Variants in DNAH12 observed in about 807,000 individuals in gnomAD.
The protein encoded by DNAH12 is axonemal beta dynein heavy chain 12.
A neutral mutation model predicts 371.5 loss-of-function variants in DNAH12; 285 were observed. That is an observed-to-expected ratio of 0.77 (90% CI 0.70 to 0.85). The LOEUF (loss-of-function observed/expected upper bound fraction) is 0.85, where lower values mean the gene tolerates loss of function less well. DNAH12 is among the 40% of genes least tolerant of loss of function. The pLI is 0.00. For missense variants in DNAH12, 3,611 were observed against 3,689.4 expected (o/e 0.98, Z 0.55); for synonymous variants, 1,200 against 1,213.0 (o/e 0.99, Z 0.22).
rs1347119288 is a variant in DNAH12, at chr3:57,310,956, G to A, written c.10663-6C>T. 2 of 1,530,658 alleles carry A rather than the reference G, an allele frequency of 1.3e-6. No individual in the cohort carries two copies. The highest frequency in any genetic ancestry group is 1.8e-6 in the Non-Finnish European group (2 of 1,129,974). 94.8% of individuals were successfully genotyped at this position (1,530,658 alleles called of 1,614,324 possible). On this transcript the variant is annotated splice_polypyrimidine_tract_variant and splice_region_variant and intron_variant, in intron 66 of 73. Transcript: ENST00000495027. ...TCATATTCATTGATAAATAACTGAAGCAAAGGAAAAATGAAACAAGAAAAA... is the reference window on the plus strand; with the variant it reads ...TCATATTCATTGATAAATAACTGAAACAAAGGAAAAATGAAACAAGAAAAA...
chr3:57,477,669 C>A (rs1474046339), intron 13 of DNAH12, among the ~76,000 whole-genome samples: 1 of 152,238 alleles, frequency 6.6e-6, no homozygotes, highest in Non-Finnish European at 1.5e-5. Flanking sequence ...CTGGGAGGCA[C>A]CCCCCAGTAG....
rs2065795732 is a variant in DNAH12 at position 57,452,889 on chromosome 3, G to A, written c.3740C>T (p.Pro1247Leu). The A allele has an allele frequency of 2.6e-6, 4 of 1,550,810 alleles. No individual in the cohort carries two copies. The South Asian group carries it at 4.8e-5, about 19-fold the overall frequency. The stretch of plus-strand genomic sequence containing the variant: ...AGTTAGAGGCGTAATGACAAGTCGA[G>A]GTGAGTTACCAAGATATTCATAAGC... ...KYAYEYLGNS[P>L]RLVITPLTDR... Residue 1247 changes from proline to leucine, a missense_variant, in exon 25 of 74, where the codon CCT (proline) becomes CTT (leucine). Pro to Leu is a moderately conservative substitution (Grantham distance 98). Transcript: ENST00000495027.
rs2065018517 is a variant in DNAH12 at position 57,433,540 on chromosome 3, C to T, written c.4840-33G>A. On this transcript the variant is annotated intron_variant, in intron 31 of 73. Transcript: ENST00000495027. ...GGAAAAAAAAGAATTAAAAAGCTCT[C>T]CTCATAAAATTAGATTTAGGAGTAA... is the stretch of plus-strand genomic sequence containing the variant. 1.2e-5 allele frequency: 19 copies of T among 1,542,702 alleles called. No homozygotes were observed. The East Asian group carries it at 4.4e-4, about 36-fold the overall frequency.
At position 57,514,424 on chromosome 3, in the gene DNAH12, A is replaced by C. The variant is rs1000348164; in HGVS notation, c.280-3445T>G. On this transcript the variant is annotated intron_variant, in intron 4 of 73. Coordinates refer to ENST00000495027, the MANE Select transcript of DNAH12 (RefSeq NM_001366028.2). ...AAAAAAAAAGAAAAATAAATAAACA[A>C]AAAAAAGCAAAATGCAAGAGTATCT... is the stretch of plus-strand genomic sequence containing the variant. 4.9e-4 allele frequency among the ~76,000 whole-genome samples: 74 copies of C among 151,946 alleles called. 1 individual carries two copies. The highest frequency in any genetic ancestry group is 1.5e-4 in the Non-Finnish European group (10 of 67,992).
Position 57,334,930 on chromosome 3 carries a change from C to G in DNAH12, c.9685G>C (p.Glu3229Gln), listed in dbSNP as rs530358644. ...AACATCAGTTCCTGGTATTCAATCT[C>G]TTTCCTTGCCCTGTATTCCCAAAAT... The part of the protein sequence containing the change: ...LCANLLLARK[E>Q]IEYQELMFLL... Residue 3229 changes from glutamate (E) to glutamine (Q), a missense_variant, in exon 61 of 74, where the codon GAG (glutamate) becomes CAG (glutamine). Glu to Gln is a conservative substitution (Grantham distance 29). Coordinates refer to ENST00000495027, the MANE Select transcript of DNAH12 (RefSeq NM_001366028.2). 98 of 1,547,758 alleles carry G rather than the reference C, an allele frequency of 6.3e-5. No homozygotes were observed. The highest frequency in any genetic ancestry group is 8.2e-5 in the African/African-American group (6 of 72,900).
intron 73 of DNAH12, among the ~76,000 whole-genome samples, chr3:57,294,613 A>G (rs188112544): frequency 6.6e-6 from 1 of 152,332 alleles, no homozygotes; most frequent in Admixed American, 6.5e-5. Context: ...AAGAAGGAAT[A>G]AAATACAGTA....
At chr3:57,513,050 A>T (rs891688355) in intron 4 of DNAH12, among the ~76,000 whole-genome samples, 1 of 151,866 alleles carries the variant, frequency 6.6e-6, no homozygotes, top group Admixed American at 6.6e-5. Flanking sequence ...GAGGCAGAGA[A>T]TTGCTTGAAT....
chr3:57,410,521 A>C (rs1393833373), intron 39 of DNAH12, among the ~76,000 whole-genome samples: 1 of 152,092 alleles, frequency 6.6e-6, no homozygotes, highest in Non-Finnish European at 1.5e-5. Context: ...AAGTTAGGCC[A>C]ATTAATAATC....
chr3:57,302,568 T>TATATATATA (rs1491312065), intron 69 of DNAH12, among the ~76,000 whole-genome samples: 17 of 48,570 alleles, frequency 3.5e-4, no homozygotes, highest in African/African-American at 7.2e-4. Flanking sequence ...TATATATGTA[T>TATATATATA]TTTTTTTTTT....
At chr3:57,469,226 T>C (rs1251454828) in intron 16 of DNAH12, among the ~76,000 whole-genome samples, 1 of 152,106 alleles carries the variant, frequency 6.6e-6, no homozygotes, top group Non-Finnish European at 1.5e-5. Flanking sequence ...AGTACCCACA[T>C]AAAATGCAGG....
chr3:57,444,990 A>G (rs2065436453), intron 28 of DNAH12, among the ~76,000 whole-genome samples, 174 bp from the exon 29 acceptor site: 1 of 150,448 alleles, frequency 6.6e-6, no homozygotes, highest in Admixed American at 6.7e-5. Context: ...TATGCTTATC[A>G]AACTAAAAAG....
chr3:57,359,051 T>C (rs2153326610), intron 58 of DNAH12, among the ~76,000 whole-genome samples: 1 of 152,276 alleles, frequency 6.6e-6, no homozygotes, highest in East Asian at 1.9e-4. Flanking sequence ...CCCAAAGTGC[T>C]GGGATTACAG....
chr3:57,523,495 G>T, intron 4 of DNAH12, 88 bp downstream of exon 4: 1 of 1,064,498 alleles, frequency 9.4e-7, no homozygotes, highest in Admixed American at 2.6e-5. Flanking sequence ...TTTCTAGAAT[G>T]GGACTTAGCA....
chr3:57,438,918 C>CAAAAAAAAAAAAAAAAAAAAAA (rs57608649), intron 29 of DNAH12, among the ~76,000 whole-genome samples: 3 of 94,532 alleles, frequency 3.2e-5, no homozygotes, highest in Non-Finnish European at 6.1e-5. Context: ...CTGTCTCAGA[C>CAAAAAAAAAAAAAAAAAAAAAA]AAAAAAAAAA....
At chr3:57,316,134 T>TG (rs1204821427) in intron 65 of DNAH12, among the ~76,000 whole-genome samples, 1 of 133,808 alleles carries the variant, frequency 7.5e-6, no homozygotes. Flanking sequence ...CCCCTTCCCC[T>TG]TTTTTTTTTT....
chr3:57,329,582 A>C (rs1327103815), intron 62 of DNAH12, among the ~76,000 whole-genome samples: 3 of 145,492 alleles, frequency 2.1e-5, no homozygotes, highest in East Asian at 2.0e-4. Flanking sequence ...TAAAGACTTA[A>C]ACGTTAGACC....
intron 60 of DNAH12, among the ~76,000 whole-genome samples, chr3:57,340,335 T>C (rs148257820): frequency 2.4e-4 from 37 of 151,068 alleles, no homozygotes; most frequent in African/African-American, 9.0e-4. Context: ...ATAAATGACA[T>C]TGAGACTAAA....
intron 43 of DNAH12, among the ~76,000 whole-genome samples, chr3:57,398,614 A>C (rs1372885983): frequency 6.6e-6 from 1 of 152,218 alleles, no homozygotes; most frequent in Non-Finnish European, 1.5e-5. Context: ...TCTCAGCACA[A>C]ATTTTACAGA....
intron 38 of DNAH12, among the ~76,000 whole-genome samples, 157 bp downstream of exon 38, chr3:57,415,269 T>G (rs1165484941): frequency 6.6e-6 from 1 of 152,202 alleles, no homozygotes; most frequent in Admixed American, 6.6e-5. Flanking sequence ...TCTCTGAAAC[T>G]TGTATCATTA....
Sources: allele counts gnomAD v4.1 joint callset (sites outside exome capture counted in the v4.1 genomes callset), GRCh38; gene constraint gnomAD v4.1.1; transcripts MANE v1.5; gene names NCBI Gene and HGNC (gene_info 2026-07-23, HGNC 2026-07-21).